Variants in HIVEP3 observed in about 807,000 individuals in gnomAD.
The protein encoded by HIVEP3 is transcription factor HIVEP3.
HIVEP3 carries 49 observed loss-of-function variants against 152.8 expected under a neutral mutation model. The ratio of observed to expected loss-of-function variants is 0.32; its 90% CI spans 0.26 to 0.41. HIVEP3 has a LOEUF of 0.41. HIVEP3 is among the 10% of genes least tolerant of loss of function. The probability of loss-of-function intolerance (pLI) is 1.00; values close to 1 mark genes in which losing one functional copy is unlikely to be tolerated. For missense variants in HIVEP3, 2,790 were observed against 3,103.3 expected (o/e 0.90, Z 2.40); for synonymous variants, 1,269 against 1,289.0 (o/e 0.98, Z 0.33).
At chr1:41,537,107 C>T (rs191857926) in intron 5 of HIVEP3, among the ~76,000 whole-genome samples, 2 of 152,338 alleles carry the variant, frequency 1.3e-5, no homozygotes, top group East Asian at 1.9e-4. Context: ...TGACTTTTCA[C>T]TCCACCAAGC....
chr1:42,022,944 G>A (rs1489787324), intron 1 of HIVEP3, among the ~76,000 whole-genome samples: 2 of 152,098 alleles, frequency 1.3e-5, no homozygotes, highest in Non-Finnish European at 2.9e-5. Context: ...TTCCAGTGTT[G>A]TAACTTCTTA....
intron 2 of HIVEP3, among the ~76,000 whole-genome samples, chr1:41,683,257 GC>G (rs1364270233): frequency 2.6e-5 from 4 of 152,212 alleles, no homozygotes; most frequent in African/African-American, 9.7e-5. Context: ...TAGGAAAAGA[GC>G]CTTATATTTG....
intron 2 of HIVEP3, among the ~76,000 whole-genome samples, chr1:41,661,567 G>A (rs946018561): frequency 2.0e-5 from 3 of 152,350 alleles, no homozygotes; most frequent in Non-Finnish European, 2.9e-5. Flanking sequence ...GCCGGGAGGA[G>A]GGGCTCCTCG....
rs376865935 is a variant in HIVEP3, at chr1:41,641,724, C to G, written c.-720-12777G>C. On this transcript the variant is annotated intron_variant, in intron 2 of 8. Coordinates refer to ENST00000372583, the MANE Select transcript of HIVEP3 (RefSeq NM_024503.5). ...CACTGCTTACAGGGGGTGACAGGAG[C>G]CAGTTGCTACGGCAAGAGGACCTGC... is the stretch of plus-strand genomic sequence containing the variant. Among the ~76,000 whole-genome samples the G allele has an allele frequency of 1.9e-4, 29 of 152,330 alleles. 1 individual carries two copies. In the East Asian group the frequency reaches 4.2e-3, roughly 22 times the overall value.
intron 1 of HIVEP3, among the ~76,000 whole-genome samples, chr1:42,023,895 A>T (rs1022993896): frequency 1.3e-5 from 2 of 152,184 alleles, no homozygotes; most frequent in Admixed American, 1.3e-4. Context: ...TTCATGTCAT[A>T]TCCATGAATC....
In HIVEP3 at chr1:41,575,551, C is replaced by T. The variant is rs761386995; in HGVS notation, c.5200G>A (p.Glu1734Lys). The change falls in exon 5 of 9, where the codon GAA becomes AAA. Residue 1734 changes from glutamate (E) to lysine (K), a missense_variant. Coordinates refer to ENST00000372583, the MANE Select transcript of HIVEP3 (RefSeq NM_024503.5). Reference sequence around the variant, plus strand: ...ACCAAACATGAGTCTTACCCTCCTTCGAAGATTTTGATCCTCGCCGGCTCC... The same window carrying T: ...ACCAAACATGAGTCTTACCCTCCTTTGAAGATTTTGATCCTCGCCGGCTCC... The part of the protein sequence containing the change: ...RGEPARIKIF[E>K]GGYKSNEEYV... 1.1e-5 allele frequency: 18 copies of T among 1,614,074 alleles called. No individual in the cohort carries two copies. Among genetic ancestry groups the T allele is most frequent in the South Asian group, 2.2e-5 (2 of 91,070 alleles).
chr1:41,963,144 T>C (rs1645178078), intron 1 of HIVEP3, among the ~76,000 whole-genome samples: 1 of 152,202 alleles, frequency 6.6e-6, no homozygotes, highest in Admixed American at 6.5e-5. Flanking sequence ...CCCATGTAGC[T>C]GGGACTACAG....
chr1:41,844,456 C>T (rs1468207342), intron 1 of HIVEP3, among the ~76,000 whole-genome samples: 2 of 152,202 alleles, frequency 1.3e-5, no homozygotes, highest in Admixed American at 6.5e-5. Context: ...AGGCGCCCTT[C>T]TCCTCCCCAG....
At chr1:41,962,384 G>A (rs1388943572) in intron 1 of HIVEP3, among the ~76,000 whole-genome samples, 2 of 152,096 alleles carry the variant, frequency 1.3e-5, no homozygotes, top group Non-Finnish European at 2.9e-5. Context: ...AATAATTATC[G>A]CCCAGTGTCT....
At chr1:42,010,854 C>T (rs1480132275) in intron 1 of HIVEP3, among the ~76,000 whole-genome samples, 1 of 152,136 alleles carries the variant, frequency 6.6e-6, no homozygotes, top group Admixed American at 6.5e-5. Context: ...TGTCCCTGCT[C>T]TTTAATTCAT....
intron 5 of HIVEP3, among the ~76,000 whole-genome samples, chr1:41,570,821 G>GCCCA (rs901423753): frequency 1.3e-5 from 2 of 152,206 alleles, no homozygotes; most frequent in Non-Finnish European, 2.9e-5. Flanking sequence ...GAGCCCAAAG[G>GCCCA]CCCACCTTGA....
intron 1 of HIVEP3, among the ~76,000 whole-genome samples, chr1:41,888,607 A>T (rs1468057455): frequency 6.6e-6 from 1 of 151,890 alleles, no homozygotes; most frequent in East Asian, 1.9e-4. Flanking sequence ...GAGCCAAGGA[A>T]ATGATTCAGA....
chr1:41,700,988 A>T lies in HIVEP3; in HGVS notation c.-793T>A. On this transcript the variant is annotated 5_prime_UTR_variant, in exon 2 of 9. Coordinates refer to ENST00000372583, the MANE Select transcript of HIVEP3 (RefSeq NM_024503.5). ...TCTAGAGCTTGGAGAACTGTGTTGG[A>T]GGGAGGCCTGTGGGAAGTAGAGAAA... The T allele has an allele frequency of 7.1e-6, 7 of 984,184 alleles. No homozygotes were observed. The highest frequency in any genetic ancestry group is 8.4e-6 in the Non-Finnish European group (7 of 828,798). The allele number at this position is 984,184 out of a possible 1,614,324, so 61.0% of individuals were successfully genotyped here. A position where few individuals can be genotyped will look rare whatever the true frequency, so the allele number is the denominator to read the frequency against.
chr1:41,926,177 T>G (rs1423305261), intron 1 of HIVEP3, among the ~76,000 whole-genome samples: 3 of 152,192 alleles, frequency 2.0e-5, no homozygotes, highest in Admixed American at 6.5e-5. Context: ...TATTAGGTCT[T>G]TGTGACAGCA....
At chr1:41,634,553 G>A (rs1485174872) in intron 2 of HIVEP3, among the ~76,000 whole-genome samples, 1 of 151,900 alleles carries the variant, frequency 6.6e-6, no homozygotes, top group African/African-American at 2.4e-5. Context: ...ATTACTTTAA[G>A]TTAAGAGACC....
chr1:41,684,510 C>A (rs976735537), intron 2 of HIVEP3, among the ~76,000 whole-genome samples: 59 of 152,214 alleles, frequency 3.9e-4, no homozygotes, highest in African/African-American at 1.3e-3. Flanking sequence ...TCTGGCTGAA[C>A]CTGTGCAGGC....
chr1:41,631,230 A>T (rs978637480), intron 2 of HIVEP3, among the ~76,000 whole-genome samples: 4 of 152,124 alleles, frequency 2.6e-5, no homozygotes, highest in African/African-American at 9.7e-5. Context: ...TTCCAGGGCC[A>T]GGTATACCTG....
At chr1:41,534,349 T>A (rs896386904) in intron 5 of HIVEP3, among the ~76,000 whole-genome samples, 1 of 150,308 alleles carries the variant, frequency 6.7e-6, no homozygotes, top group Non-Finnish European at 1.5e-5. Flanking sequence ...GATCCCCCCA[T>A]TTCCTGCTGC....
chr1:41,888,253 C>T (rs1184408135), intron 1 of HIVEP3, among the ~76,000 whole-genome samples: 1 of 133,326 alleles, frequency 7.5e-6, no homozygotes, highest in Non-Finnish European at 1.6e-5. Context: ...GGGGTTTCAA[C>T]ATGTTAGCCA....
Sources: gnomAD v4.1 joint callset for allele counts (sites outside exome capture counted in the v4.1 genomes callset) on GRCh38, gnomAD v4.1.1 for gene constraint, MANE v1.5 for transcripts, NCBI Gene and HGNC (gene_info 2026-07-23, HGNC 2026-07-21) for gene names.